The following TMEM217B variants were observed in gnomAD, a reference collection of about 807,000 sequenced individuals.
The protein encoded by TMEM217B is transmembrane protein 217B.
chr6:37,219,332 G>A, the TMEM217B span, among the ~76,000 whole-genome samples: 3 of 152,166 alleles, frequency 2.0e-5, no homozygotes, highest in South Asian at 6.2e-4. Context: ...CCCCACCACA[G>A]ACCAATCACA....
chr6:37,232,178 G>A, the TMEM217B span, among the ~76,000 whole-genome samples: 2 of 152,076 alleles, frequency 1.3e-5, no homozygotes, highest in Admixed American at 6.5e-5. Flanking sequence ...ACAAAAGGAC[G>A]CTTCGTTCCA....
At chr6:37,243,523 G>A in the TMEM217B span, among the ~76,000 whole-genome samples, 4 of 152,224 alleles carry the variant, frequency 2.6e-5, no homozygotes, top group Non-Finnish European at 4.4e-5. Flanking sequence ...TAATTGATAT[G>A]AGGCTGGCCA....
chr6:37,243,920 GC>G, the TMEM217B span, among the ~76,000 whole-genome samples: 3 of 152,160 alleles, frequency 2.0e-5, no homozygotes, highest in Admixed American at 6.5e-5. Context: ...GGAGCCAGGA[GC>G]CCACATGGAG....
chr6:37,249,421 G>GCCTCC, the TMEM217B span, among the ~76,000 whole-genome samples: 1 of 152,112 alleles, frequency 6.6e-6, no homozygotes, highest in African/African-American at 2.4e-5. Flanking sequence ...CCAGGTTCAA[G>GCCTCC]CAATTCTCCT....
chr6:37,253,745 G>A, the TMEM217B span, among the ~76,000 whole-genome samples: 8 of 152,070 alleles, frequency 5.3e-5, no homozygotes, highest in South Asian at 6.2e-4. Flanking sequence ...AAGTCCAAAG[G>A]CTTTTTTCTC....
chr6:37,258,105 C>A, the TMEM217B span: 1 of 1,015,538 alleles, frequency 9.8e-7, no homozygotes, highest in Non-Finnish European at 1.4e-6. Flanking sequence ...TGCCTGGTGG[C>A]GGCAGGGCAG....
chr6:37,239,918 T>C, the TMEM217B span, among the ~76,000 whole-genome samples: 1 of 151,518 alleles, frequency 6.6e-6, no homozygotes, highest in African/African-American at 2.4e-5. Context: ...AAGAATGCAT[T>C]TGGCTGCAAG....
At chr6:37,212,632 T>C in the TMEM217B span, 1 of 525,404 alleles carries the variant, frequency 1.9e-6, no homozygotes, top group Non-Finnish European at 3.7e-6. Context: ...CTTGAAGTGA[T>C]CTTTGATGAT....
the TMEM217B span, among the ~76,000 whole-genome samples, chr6:37,236,962 G>A: frequency 1.3e-5 from 2 of 152,154 alleles, no homozygotes; most frequent in Non-Finnish European, 2.9e-5. Flanking sequence ...GTCTCTCTGT[G>A]TGGGCTCCTT....
At chr6:37,237,585 A>G in the TMEM217B span, among the ~76,000 whole-genome samples, 1 of 152,234 alleles carries the variant, frequency 6.6e-6, no homozygotes, top group Non-Finnish European at 1.5e-5. Flanking sequence ...TAGACCAGTT[A>G]ATAACCAGAA....
At chr6:37,258,096 GC>G in the TMEM217B span, 4 of 1,111,434 alleles carry the variant, frequency 3.6e-6, no homozygotes. Flanking sequence ...AGCTGGGACT[GC>G]CTGGTGGCGG....
the TMEM217B span, among the ~76,000 whole-genome samples, chr6:37,234,153 G>T: frequency 1.3e-5 from 2 of 149,590 alleles, no homozygotes; most frequent in Non-Finnish European, 3.0e-5. Flanking sequence ...AGGATGGAGT[G>T]CAGTGGTGTG....
At chr6:37,257,839 C>A in the TMEM217B span, 2 of 1,519,234 alleles carry the variant, frequency 1.3e-6, no homozygotes, top group Non-Finnish European at 1.8e-6. Context: ...CCTGGGTTGG[C>A]CCTCAGATTG....
the TMEM217B span, among the ~76,000 whole-genome samples, chr6:37,243,286 A>C: frequency 6.6e-6 from 1 of 152,212 alleles, no homozygotes; most frequent in Non-Finnish European, 1.5e-5. Flanking sequence ...GGCCAGAATA[A>C]GGTTTACGTT....
chr6:37,212,734 TGGATACAATAAAAGA>T, the TMEM217B span: 3 of 672,296 alleles, frequency 4.5e-6, no homozygotes, highest in African/African-American at 3.5e-5. Flanking sequence ...GATATTCTTG[TGGATACAATAAAAGA>T]GGAAGCAGCC....
At chr6:37,229,544 G>A in the TMEM217B span, among the ~76,000 whole-genome samples, 2 of 151,678 alleles carry the variant, frequency 1.3e-5, no homozygotes, top group Non-Finnish European at 1.5e-5. Flanking sequence ...GGGTTTCACC[G>A]TGTTAGCCAG....
the TMEM217B span, among the ~76,000 whole-genome samples, chr6:37,245,357 A>C: frequency 6.6e-6 from 1 of 152,212 alleles, no homozygotes. Flanking sequence ...TGCCACAGCT[A>C]TTCTCCCAAA....
chr6:37,229,589 G>A, the TMEM217B span, among the ~76,000 whole-genome samples: 4 of 151,854 alleles, frequency 2.6e-5, no homozygotes, highest in African/African-American at 7.3e-5. Flanking sequence ...TGATCCACCC[G>A]CCTCCGCCTC....
the TMEM217B span, among the ~76,000 whole-genome samples, chr6:37,223,839 G>T: frequency 6.6e-6 from 1 of 151,490 alleles, no homozygotes; most frequent in Non-Finnish European, 1.5e-5. Flanking sequence ...TATTTATAGA[G>T]ATGGAGTCTT....
Sources: allele counts gnomAD v4.1 joint callset (sites outside exome capture counted in the v4.1 genomes callset), GRCh38; gene constraint gnomAD v4.1.1; transcripts MANE v1.5; gene names NCBI Gene and HGNC (gene_info 2026-07-23, HGNC 2026-07-21).